SLC13A1: variants seen among roughly 807,000 people sequenced by gnomAD.
SLC13A1 encodes the protein solute carrier family 13 member 1.
SLC13A1 carries 65 observed loss-of-function variants against 70.0 expected under a neutral mutation model. The ratio of observed to expected loss-of-function variants is 0.93; its 90% CI spans 0.76 to 1.14. SLC13A1 has a LOEUF of 1.14. SLC13A1 is among the 50% of genes most tolerant of loss of function. The pLI is 0.00. For missense variants in SLC13A1, 726 were observed against 717.8 expected (o/e 1.01, Z -0.13); for synonymous variants, 275 against 250.5 (o/e 1.10, Z -0.92).
chr7:123,150,391 A>G (rs1794515032), intron 6 of SLC13A1, among the ~76,000 whole-genome samples: 1 of 152,114 alleles, frequency 6.6e-6, no homozygotes, highest in Non-Finnish European at 1.5e-5. Flanking sequence ...TCTGGACCAC[A>G]GTCTCTCAGA....
chr7:123,129,778 G>C (rs1350820421), intron 8 of SLC13A1, among the ~76,000 whole-genome samples: 2 of 151,802 alleles, frequency 1.3e-5, no homozygotes, highest in East Asian at 3.9e-4. Flanking sequence ...AAGTTATTTT[G>C]TACCATTGGA....
chr7:123,126,628 A>G (rs1793570226), intron 10 of SLC13A1, among the ~76,000 whole-genome samples: 2 of 152,114 alleles, frequency 1.3e-5, no homozygotes, highest in Non-Finnish European at 2.9e-5. Context: ...TAAAAAGCCA[A>G]AGAAATGCCG....
Position 123,117,622 on chromosome 7 carries a change from TA to T in SLC13A1, c.1513-15del. On this transcript the variant is annotated splice_polypyrimidine_tract_variant and intron_variant, in intron 13 of 14. Coordinates refer to ENST00000194130, the MANE Select transcript of SLC13A1 (RefSeq NM_022444.4). ...AATGGCTTCGGCCTGTTGTAAGAGA[TA>T]AAAAAGAGTCTAAGTAAAATTTTGA... 6.7e-7 allele frequency: 1 copy of T among 1,491,262 alleles called. No individual in the cohort carries two copies. The highest frequency in any genetic ancestry group is 9.0e-7 in the Non-Finnish European group (1 of 1,114,718). The allele number at this position is 1,491,262 out of a possible 1,614,324, so 92.4% of individuals were successfully genotyped here.
At chr7:123,176,450 T>C (rs1400031420) in intron 2 of SLC13A1, among the ~76,000 whole-genome samples, 2 of 152,200 alleles carry the variant, frequency 1.3e-5, no homozygotes, top group Non-Finnish European at 2.9e-5. Context: ...TAGTTATATT[T>C]CTGTCTCAAA....
intron 6 of SLC13A1, among the ~76,000 whole-genome samples, chr7:123,161,173 A>G (rs969933362): frequency 6.6e-6 from 1 of 151,508 alleles, no homozygotes; most frequent in African/African-American, 2.4e-5. Context: ...AGATTATTTG[A>G]AAAATAATCT....
intron 4 of SLC13A1, 52 bp downstream of exon 4, chr7:123,169,096 G>T: frequency 6.6e-7 from 1 of 1,520,272 alleles, no homozygotes; most frequent in Non-Finnish European, 9.1e-7. Context: ...TTGAGTTTAT[G>T]TCTATTGCTC....
At chr7:123,159,484 G>A (rs534392130) in intron 6 of SLC13A1, among the ~76,000 whole-genome samples, 12 of 152,270 alleles carry the variant, frequency 7.9e-5, no homozygotes, top group African/African-American at 2.2e-4. Flanking sequence ...ACTAGAAACC[G>A]ACCCAGATAA....
intron 6 of SLC13A1, among the ~76,000 whole-genome samples, chr7:123,162,770 T>C (rs10231621): frequency 0.23 from 34,407 of 151,992 alleles, 4,684 homozygotes; most frequent in East Asian, 0.35. Flanking sequence ...CTTTGAATTT[T>C]TGGAGAACAT....
chr7:123,187,612 A>G (rs1307972099), intron 1 of SLC13A1, among the ~76,000 whole-genome samples: 2 of 152,190 alleles, frequency 1.3e-5, no homozygotes, highest in Non-Finnish European at 2.9e-5. Flanking sequence ...TTGTGATTAT[A>G]CTACATGCAG....
chr7:123,196,256 C>G (rs1416680419), intron 1 of SLC13A1, among the ~76,000 whole-genome samples: 1 of 152,036 alleles, frequency 6.6e-6, no homozygotes, highest in East Asian at 1.9e-4. Context: ...TCATTAACTA[C>G]TAATTGGGTA....
At chr7:123,188,672 A>G (rs1233800106) in intron 1 of SLC13A1, among the ~76,000 whole-genome samples, 3 of 152,000 alleles carry the variant, frequency 2.0e-5, no homozygotes, top group African/African-American at 2.4e-5. Context: ...TTATTTCTCT[A>G]TAAACTATGT....
At position 123,186,757 on chromosome 7, in the gene SLC13A1, C is replaced by A. The variant is rs7802777; in HGVS notation, c.100-5656G>T. ...TCGTTATTACAACTTACTCTGCAAC[C>A]GTAACAAGTAAACGTTTTAATCACA... On this transcript the variant is annotated intron_variant, in intron 1 of 14. Coordinates refer to ENST00000194130, the MANE Select transcript of SLC13A1 (RefSeq NM_022444.4). 3.4e-3 allele frequency: 1,539 copies of A among 455,218 alleles called. 23 individuals are homozygous for A. The highest frequency in any genetic ancestry group is 0.029 in the African/African-American group (1,434 of 50,006). The allele number at this position is 455,218 out of a possible 1,614,324, so 28.2% of individuals were successfully genotyped here. A position where few individuals can be genotyped will look rare whatever the true frequency, so the allele number is the denominator to read the frequency against.
intron 6 of SLC13A1, among the ~76,000 whole-genome samples, chr7:123,150,596 A>C (rs554582765): frequency 3.9e-4 from 59 of 152,200 alleles, no homozygotes; most frequent in South Asian, 8.3e-4. Context: ...TTTCTTAGAC[A>C]CTTCCATCTT....
chr7:123,151,212 T>G (rs1443362617), intron 6 of SLC13A1, among the ~76,000 whole-genome samples: 1 of 151,824 alleles, frequency 6.6e-6, no homozygotes, highest in African/African-American at 2.4e-5. Flanking sequence ...TAATCCCCAC[T>G]ACTTGGGAGG....
chr7:123,129,418 C>A lies in SLC13A1; in HGVS notation c.996G>T (p.Val332=). ...CAAGCTTTTGGTATTCTTGCTTAAT[C>A]ACCTCAGCACAAGCTTTTTGTTGGA... The part of the protein sequence containing the change: ...KTVQQKACAE[V]IKQEYQKLGP... Residue 332 remains valine (V), a synonymous_variant, in exon 9 of 15, where the codon GTG becomes GTT. Transcript: ENST00000194130. 6.2e-7 allele frequency: 1 copy of A among 1,602,484 alleles called. No individual in the cohort carries two copies. The highest frequency in any genetic ancestry group is 8.5e-7 in the Non-Finnish European group (1 of 1,176,202).
chr7:123,116,828 T>C (rs1452614306), intron 14 of SLC13A1, among the ~76,000 whole-genome samples: 2 of 152,132 alleles, frequency 1.3e-5, no homozygotes, highest in African/African-American at 4.8e-5. Flanking sequence ...TTTGGGTTGG[T>C]TTGGAAATTG....
At chr7:123,175,171 C>T (rs898389983) in intron 2 of SLC13A1, among the ~76,000 whole-genome samples, 6 of 151,966 alleles carry the variant, frequency 3.9e-5, no homozygotes, top group African/African-American at 1.4e-4. Flanking sequence ...AAAGAGCTTA[C>T]AAGCTATTAG....
In SLC13A1 at chr7:123,199,910, A is replaced by C. The variant is rs2116709616; in HGVS notation, c.37T>G (p.Phe13Val). 1 of 1,613,136 alleles carries C rather than the reference A, an allele frequency of 6.2e-7. No individual in the cohort carries two copies. Among genetic ancestry groups the C allele is most frequent in the Admixed American group, 1.7e-5 (1 of 59,868 alleles). ...AACACAGTGAAAACCACGAAGAGAAATCGGCGATAAACCAGAATGTAACTG... is the reference window on the plus strand; with the variant it reads ...AACACAGTGAAAACCACGAAGAGAACTCGGCGATAAACCAGAATGTAACTG... ...FFSYILVYRR[F>V]LFVVFTVLVL... is the part of the protein sequence containing the mutation. The change falls in exon 1 of 15, where the codon TTT (phenylalanine) becomes GTT (valine). Residue 13 changes from phenylalanine (F) to valine (V), a missense_variant. Phe to Val is a conservative substitution (Grantham distance 50). Coordinates refer to ENST00000194130, the MANE Select transcript of SLC13A1 (RefSeq NM_022444.4).
At chr7:123,191,840 A>G (rs1177141767) in intron 1 of SLC13A1, among the ~76,000 whole-genome samples, 1 of 152,190 alleles carries the variant, frequency 6.6e-6, no homozygotes, top group Non-Finnish European at 1.5e-5. Flanking sequence ...ATCAGAGTAT[A>G]TATTTTTAAA....
Sources: gnomAD v4.1 joint callset for allele counts (sites outside exome capture counted in the v4.1 genomes callset) on GRCh38, gnomAD v4.1.1 for gene constraint, MANE v1.5 for transcripts, NCBI Gene and HGNC (gene_info 2026-07-23, HGNC 2026-07-21) for gene names.